AIG1: variants seen among roughly 807,000 people sequenced by gnomAD.
AIG1 encodes the protein androgen-induced gene 1 protein.
A neutral mutation model predicts 31.4 loss-of-function variants in AIG1; 23 were observed. That is an observed-to-expected ratio of 0.73 (90% confidence interval 0.53 to 1.04). AIG1 has a LOEUF of 1.04. AIG1 is among the 50% of genes least tolerant of loss of function. The pLI, the probability that AIG1 is intolerant of heterozygous loss-of-function variation, is 0.00. For synonymous variants in AIG1, 100 were observed against 110.5 expected (o/e 0.90, Z 0.60); for missense variants, 274 against 295.0 (o/e 0.93, Z 0.52).
At chr6:143,158,126 T>C (rs1785979949) in intron 2 of AIG1, among the ~76,000 whole-genome samples, 1 of 152,178 alleles carries the variant, frequency 6.6e-6, no homozygotes, top group Non-Finnish European at 1.5e-5. Flanking sequence ...TTTTGGATGG[T>C]GACATAAAGC....
At chr6:143,202,960 TCTGTG>T (rs1344765650) in intron 3 of AIG1, among the ~76,000 whole-genome samples, 1 of 152,164 alleles carries the variant, frequency 6.6e-6, no homozygotes. Context: ...ATGTGCATTC[TCTGTG>T]CTGGAGGCTG....
In AIG1 at chr6:143,191,183, G is replaced by A. The variant is rs140356239; in HGVS notation, c.399+26000G>A. ...AACCTGAGTTAATCTGCATAATCAC[G>A]CACACTTAACTCTAATGGGTTAGTT... On this transcript the variant is annotated intron_variant, in intron 3 of 5. Transcript: ENST00000357847. 9.2e-3 allele frequency among the ~76,000 whole-genome samples: 1,396 copies of A among 152,174 alleles called. 18 individuals carry two copies. The highest frequency in any genetic ancestry group is 0.032 in the African/African-American group (1,330 of 41,488).
intron 3 of AIG1, among the ~76,000 whole-genome samples, chr6:143,193,057 A>G (rs979091946): frequency 2.0e-5 from 3 of 152,230 alleles, no homozygotes; most frequent in African/African-American, 7.2e-5. Context: ...CAAGAGCCTG[A>G]GTTCAAATCA....
intron 3 of AIG1, among the ~76,000 whole-genome samples, chr6:143,207,521 C>T (rs1583507354): frequency 1.6e-4 from 1 of 6,304 alleles, no homozygotes; most frequent in African/African-American, 1.1e-3. Flanking sequence ...CATTACAATA[C>T]ACACACACAC....
chr6:143,102,814 C>A (rs762742319), intron 1 of AIG1, among the ~76,000 whole-genome samples: 1 of 151,942 alleles, frequency 6.6e-6, no homozygotes, highest in African/African-American at 2.4e-5. Context: ...CATGCATTTC[C>A]ATGTCAAGCC....
chr6:143,167,611 A>C (rs189008266), intron 3 of AIG1, among the ~76,000 whole-genome samples: 26 of 152,316 alleles, frequency 1.7e-4, no homozygotes, highest in African/African-American at 5.8e-4. Flanking sequence ...CTTATGAAGC[A>C]TGTATCCAGC....
At chr6:143,332,061 G>T (rs1366987828) in intron 4 of AIG1, among the ~76,000 whole-genome samples, 1 of 151,820 alleles carries the variant, frequency 6.6e-6, no homozygotes, top group Admixed American at 6.6e-5. Flanking sequence ...TAATAGAGAT[G>T]GGGTTTCGCC....
At chr6:143,254,055 C>G (rs565189985) in intron 3 of AIG1, among the ~76,000 whole-genome samples, 17 of 152,296 alleles carry the variant, frequency 1.1e-4, no homozygotes, top group African/African-American at 3.6e-4. Context: ...AAGGCTTGCT[C>G]CCTTCTGTGC....
intron 3 of AIG1, among the ~76,000 whole-genome samples, chr6:143,276,623 T>C (rs1796934083): frequency 6.6e-6 from 1 of 151,902 alleles, no homozygotes; most frequent in Non-Finnish European, 1.5e-5. Context: ...GGGAGACCCA[T>C]GACAAGAGGA....
At chr6:143,307,637 TC>T (rs200905749) in intron 4 of AIG1, among the ~76,000 whole-genome samples, 2,927 of 152,272 alleles carry the variant, frequency 0.019, 38 homozygotes, top group Non-Finnish European at 0.031. Context: ...GTTAGGCTGC[TC>T]GGGGGTCAGG....
intron 3 of AIG1, among the ~76,000 whole-genome samples, chr6:143,224,835 T>C (rs1274128220): frequency 2.0e-5 from 3 of 152,158 alleles, no homozygotes; most frequent in Non-Finnish European, 4.4e-5. Flanking sequence ...TGTAATGTTC[T>C]CCCAACCAGG....
intron 3 of AIG1, among the ~76,000 whole-genome samples, chr6:143,254,035 T>C (rs1471762657): frequency 6.6e-6 from 1 of 152,176 alleles, no homozygotes; most frequent in Non-Finnish European, 1.5e-5. Flanking sequence ...CACGGACCGT[T>C]TCCTCTTCAA....
chr6:143,136,687 T>G, intron 1 of AIG1, 148 bp from the exon 2 acceptor site: 2 of 748,530 alleles, frequency 2.7e-6, no homozygotes, highest in South Asian at 5.2e-5. Context: ...TGTAAATGTC[T>G]GTTCTCTATT....
At chr6:143,125,276 G>A (rs1488992749) in intron 1 of AIG1, among the ~76,000 whole-genome samples, 1 of 152,096 alleles carries the variant, frequency 6.6e-6, no homozygotes, top group East Asian at 1.9e-4. Flanking sequence ...AAATCTAAAT[G>A]TCATATACTT....
rs566481171 is a variant in AIG1, at chr6:143,291,761, G to A, written c.515+7536G>A. On this transcript the variant is annotated intron_variant, in intron 4 of 5. Coordinates refer to ENST00000357847, the MANE Select transcript of AIG1 (RefSeq NM_016108.4). This position sits in a 1 kb window ranked among gnomAD's most constrained non-coding sequence, Gnocchi z 4.2. ...CCTGCTGTGTTCAAGGAAAGCAGAA[G>A]GCCACTGTGTGTTGAAGCAGAGTGA... 6.6e-6 allele frequency among the ~76,000 whole-genome samples: 1 copy of A among 152,182 alleles called. No homozygotes were observed. Among genetic ancestry groups the A allele is most frequent in the Admixed American group, 6.5e-5 (1 of 15,278 alleles).
intron 2 of AIG1, among the ~76,000 whole-genome samples, chr6:143,159,520 A>T (rs1441168107): frequency 6.6e-6 from 1 of 152,250 alleles, no homozygotes; most frequent in East Asian, 1.9e-4. Flanking sequence ...TTTGGGCAGA[A>T]TTCATAGCAT....
At chr6:143,079,299 G>T (rs1778001921) in intron 1 of AIG1, among the ~76,000 whole-genome samples, 2 of 152,130 alleles carry the variant, frequency 1.3e-5, no homozygotes, top group African/African-American at 4.8e-5. Flanking sequence ...AGACTGGAAA[G>T]AAGGGGCTTC....
intron 3 of AIG1, among the ~76,000 whole-genome samples, chr6:143,209,235 A>G (rs17072314): frequency 0.034 from 5,240 of 152,288 alleles, 300 homozygotes; most frequent in African/African-American, 0.11. Flanking sequence ...TCTATTCTAT[A>G]TAGGTATTGA....
chr6:143,265,283 G>T (rs540362940), intron 3 of AIG1, among the ~76,000 whole-genome samples: 1 of 152,184 alleles, frequency 6.6e-6, no homozygotes, highest in Non-Finnish European at 1.5e-5. Flanking sequence ...AGCCACAGGG[G>T]AAGATTGTAA....
Sources: allele counts gnomAD v4.1 joint callset (sites outside exome capture counted in the v4.1 genomes callset), GRCh38; gene constraint gnomAD v4.1.1; non-coding constraint Gnocchi (gnomAD v3.1); transcripts MANE v1.5; gene names NCBI Gene and HGNC (gene_info 2026-07-23, HGNC 2026-07-21).